SH3BP2: variants seen among roughly 807,000 people sequenced by gnomAD.
The protein encoded by SH3BP2 is SH3 domain binding protein 2, also known as SH3 domain-binding protein 2.
In SH3BP2, 38 loss-of-function variants were observed where a neutral mutation model predicts 56.2. The ratio of observed to expected loss-of-function variants is 0.68; its 90% CI spans 0.52 to 0.89. SH3BP2 has a LOEUF of 0.89. Ranked by LOEUF, SH3BP2 falls within the 40% of genes least tolerant of loss-of-function variation. SH3BP2 has a pLI of 0.00. For missense variants in SH3BP2, 748 were observed against 762.6 expected, an observed-to-expected ratio of 0.98 and a Z score of 0.23; for synonymous variants, 346 against 316.7, an observed-to-expected ratio of 1.09 and a Z score of -0.98.
rs1404038067 is a variant in SH3BP2, at chr4:2,840,972, T to C, written c.*7138T>C. The C allele has an allele frequency of 6.9e-6, 1 of 143,934 alleles. No individual in the cohort carries two copies. Among genetic ancestry groups the C allele is most frequent in the East Asian group, 2.1e-4 (1 of 4,864 alleles). The allele number at this position is 143,934 out of a possible 1,614,324, so 8.9% of individuals were successfully genotyped here. ...TATGTTTCTTTTAGTCTATTGTAAA[T>C]TGTGTATTTTTAATTTCATTTTTTT... is the stretch of plus-strand genomic sequence containing the variant. On this transcript the variant is annotated 3_prime_UTR_variant, in exon 13 of 13. Coordinates refer to ENST00000503393, the MANE Select transcript of SH3BP2 (RefSeq NM_001122681.2).
intron 1 of SH3BP2, among the ~76,000 whole-genome samples, chr4:2,819,864 G>A (rs191495416): frequency 9.2e-5 from 14 of 151,664 alleles, no homozygotes; most frequent in African/African-American, 3.4e-4. Flanking sequence ...GAGTAAGGGG[G>A]GCTGGAGTAG....
At chr4:2,819,411 G>C (rs1016575487) in intron 1 of SH3BP2, among the ~76,000 whole-genome samples, 2 of 152,122 alleles carry the variant, frequency 1.3e-5, no homozygotes, top group African/African-American at 4.8e-5. Flanking sequence ...TTTTTTTAGA[G>C]ATAGGGTCTT....
chr4:2,797,798 G>C (rs1048223822), intron 1 of SH3BP2, among the ~76,000 whole-genome samples: 1 of 152,202 alleles, frequency 6.6e-6, no homozygotes, highest in East Asian at 1.9e-4. Context: ...CCCAGAGGAA[G>C]GGTGAGGGGA....
intron 1 of SH3BP2, chr4:2,818,194 C>G: frequency 1.0e-6 from 1 of 987,436 alleles, no homozygotes. Context: ...AGGGGAGGAG[C>G]CGGCGGCTGC....
chr4:2,799,792 A>AG (rs1723184133), intron 1 of SH3BP2, among the ~76,000 whole-genome samples: 1 of 152,092 alleles, frequency 6.6e-6, no homozygotes, highest in Non-Finnish European at 1.5e-5. Context: ...CGCCTCACGG[A>AG]TCCCCCCGGG....
intron 8 of SH3BP2, among the ~76,000 whole-genome samples, chr4:2,830,719 C>A (rs1180141863): frequency 6.6e-6 from 1 of 152,252 alleles, no homozygotes; most frequent in Non-Finnish European, 1.5e-5. Flanking sequence ...GTCCCCCACT[C>A]CCACAGAGTT....
chr4:2,812,157 G>A, intron 1 of SH3BP2: 1 of 1,422,256 alleles, frequency 7.0e-7, no homozygotes, highest in Non-Finnish European at 9.2e-7. Context: ...TGGATGAGGG[G>A]CAGCCCTGGG....
chr4:2,827,718 A>G (rs1480037231), intron 7 of SH3BP2, 44 bp downstream of exon 7: 3 of 1,468,002 alleles, frequency 2.0e-6, no homozygotes, highest in Non-Finnish European at 2.8e-6. Flanking sequence ...GTGTGTAGGA[A>G]GCAGGGGCTG....
intron 1 of SH3BP2, chr4:2,818,588 T>A (rs1724124669): frequency 1.9e-6 from 1 of 527,646 alleles, no homozygotes; most frequent in East Asian, 6.4e-5. Context: ...ACGGGGCTTG[T>A]CGATCTGCGG....
At chr4:2,820,838 T>G in intron 2 of SH3BP2, 85 bp downstream of exon 2, 1 of 1,421,864 alleles carries the variant, frequency 7.0e-7, no homozygotes, top group African/African-American at 1.4e-5. Flanking sequence ...TCCAAGCCTC[T>G]GCTTCCTCAC....
chr4:2,827,682 G>A lies in SH3BP2; in HGVS notation c.586+8G>A, dbSNP rs28516876. On this transcript the variant is annotated splice_region_variant and intron_variant, in intron 7 of 12. Coordinates refer to ENST00000503393, the MANE Select transcript of SH3BP2 (RefSeq NM_001122681.2). ...AGCCCGGAAGGCTTGAGGGTAGGTG[G>A]GGCGGGTGGGCCCGGGGAGCTCTGG... 127,403 of 1,569,274 alleles carry A rather than the reference G, an allele frequency of 0.081. 7,286 individuals carry two copies. Among genetic ancestry groups the A allele is most frequent in the African/African-American group, 0.28 (20,775 of 74,158 alleles).
At chr4:2,803,434 T>C (rs773555626) in intron 1 of SH3BP2, among the ~76,000 whole-genome samples, 27 of 152,208 alleles carry the variant, frequency 1.8e-4, no homozygotes, top group Admixed American at 3.9e-4. Context: ...CAAGTGCCTA[T>C]GGCAGAGTGC....
At chr4:2,794,426 A>C (rs1299495065) in intron 1 of SH3BP2, among the ~76,000 whole-genome samples, 7 of 109,164 alleles carry the variant, frequency 6.4e-5, no homozygotes, top group Non-Finnish European at 1.3e-4. Flanking sequence ...CTTGGAGCCC[A>C]ACCTCAGGGC....
intron 1 of SH3BP2, among the ~76,000 whole-genome samples, chr4:2,805,445 C>T (rs1560097532): frequency 6.6e-6 from 1 of 152,114 alleles, no homozygotes; most frequent in Non-Finnish European, 1.5e-5. Context: ...TGGTGTAATT[C>T]AGCACATGAG....
chr4:2,833,810 C>T lies in SH3BP2; in HGVS notation c.1662C>T (p.Pro554=), dbSNP rs775871629. 1.9e-6 allele frequency: 3 copies of T among 1,584,248 alleles called. No individual in the cohort carries two copies. The highest frequency in any genetic ancestry group is 2.6e-6 in the Non-Finnish European group (3 of 1,165,436). ...ACCAGAGCCTGCTGCTGCGGCACCC[C>T]TACGGCTACACTGGGCCTAGGTGAT... is the stretch of plus-strand genomic sequence containing the variant. ...PSHQSLLLRH[P]YGYTGPR is the part of the protein sequence containing the mutation. Residue 554 remains proline, a synonymous_variant, in exon 13 of 13, where the codon CCC becomes CCT. Coordinates refer to ENST00000503393, the MANE Select transcript of SH3BP2 (RefSeq NM_001122681.2).
At position 2,829,237 on chromosome 4, in the gene SH3BP2, G is replaced by A. The variant is rs113172732; in HGVS notation, c.587-256G>A. Among the ~76,000 whole-genome samples, 6,346 of 152,082 alleles carry A rather than the reference G, an allele frequency of 0.042. 149 individuals carry two copies. The highest frequency in any genetic ancestry group is 0.05 in the Non-Finnish European group (3,389 of 67,978). On this transcript the variant is annotated intron_variant, in intron 7 of 12. Transcript: ENST00000503393. The surrounding 1 kb of genome is among the most constrained non-coding windows in gnomAD (Gnocchi z 4.9). ...CTCTGGGAACCTGATGGGCTCCTCA[G>A]GTGTCCTCTAGGCTTCAGGAAGCGT...
chr4:2,801,471 C>T (rs1344771781), intron 1 of SH3BP2, among the ~76,000 whole-genome samples: 1 of 152,230 alleles, frequency 6.6e-6, no homozygotes, highest in Admixed American at 6.5e-5. Flanking sequence ...TTCCTGTTGC[C>T]TCCCTCTTGC....
At chr4:2,809,759 C>G in intron 1 of SH3BP2, 1 of 985,034 alleles carries the variant, frequency 1.0e-6, no homozygotes, top group Non-Finnish European at 1.2e-6. Context: ...AGTGAAAGCT[C>G]CCTCCCTCTT....
rs1577373797 is a variant in SH3BP2 at position 2,833,741 on chromosome 4, G to C, written c.1593G>C (p.Val531=). The stretch of plus-strand genomic sequence containing the variant: ...AGGGCGAGGTCCTGTTTGTGAGTGT[G>C]GGCAGCATGGTGGAGCACTACCACA... ...YLEGEVLFVS[V]GSMVEHYHTH... Residue 531 remains valine, a synonymous_variant, in exon 13 of 13, where the codon GTG becomes GTC. Coordinates refer to ENST00000503393, the MANE Select transcript of SH3BP2 (RefSeq NM_001122681.2). The C allele has an allele frequency of 6.2e-7, 1 of 1,608,424 alleles. No homozygotes were observed. The highest frequency in any genetic ancestry group is 1.1e-5 in the South Asian group (1 of 89,950).
Sources: gnomAD v4.1 joint callset for allele counts (sites outside exome capture counted in the v4.1 genomes callset) on GRCh38, gnomAD v4.1.1 for gene constraint, Gnocchi (gnomAD v3.1) non-coding constraint, MANE v1.5 for transcripts, NCBI Gene and HGNC (gene_info 2026-07-23, HGNC 2026-07-21) for gene names.